Variants in ARHGAP26 observed in about 807,000 individuals in gnomAD.
ARHGAP26 encodes the protein rho GTPase-activating protein 26.
ARHGAP26 carries 38 observed loss-of-function variants against 104.8 expected under a neutral mutation model. The ratio of observed to expected loss-of-function variants is 0.36; its 90% CI spans 0.28 to 0.48. ARHGAP26 has a LOEUF of 0.48. ARHGAP26 is among the 20% of genes least tolerant of loss of function. The probability of loss-of-function intolerance (pLI) is 0.99; values close to 1 mark genes in which losing one functional copy is unlikely to be tolerated. For missense variants in ARHGAP26, 704 were observed against 947.9 expected (o/e 0.74, Z 3.38); for synonymous variants, 341 against 340.0 (o/e 1.00, Z -0.03).
intron 12 of ARHGAP26, among the ~76,000 whole-genome samples, chr5:143,014,641 T>C (rs934573351): frequency 2.0e-5 from 3 of 152,194 alleles, no homozygotes; most frequent in African/African-American, 7.2e-5. Flanking sequence ...CTAATGGAAG[T>C]GTCCCTGGGC....
chr5:142,945,581 AGAT>A (rs1766983015), intron 11 of ARHGAP26, among the ~76,000 whole-genome samples: 1 of 152,222 alleles, frequency 6.6e-6, no homozygotes. Context: ...TCCATCTGGA[AGAT>A]GATATTTTGG....
At chr5:142,949,232 G>GGAGAGAGAGAGAGAGAGAGGA (rs1767891700) in intron 11 of ARHGAP26, among the ~76,000 whole-genome samples, 1 of 27,338 alleles carries the variant, frequency 3.7e-5, no homozygotes, top group Non-Finnish European at 5.9e-5. Context: ...GAGAGAGAGA[G>GGAGAGAGAGAGAGAGAGAGGA]GAGAGAGAGA....
intron 1 of ARHGAP26, among the ~76,000 whole-genome samples, chr5:142,828,591 GT>G (rs1767763631): frequency 6.6e-6 from 1 of 152,158 alleles, no homozygotes; most frequent in South Asian, 2.1e-4. Flanking sequence ...ACAATTAGTT[GT>G]AACTAAAATA....
chr5:143,039,333 G>C (rs1032016749), intron 13 of ARHGAP26, among the ~76,000 whole-genome samples: 2 of 151,920 alleles, frequency 1.3e-5, no homozygotes, highest in African/African-American at 4.8e-5. Context: ...TCAGCCTCCT[G>C]AGTAACTGGC....
chr5:143,167,409 G>C (rs568076871), intron 20 of ARHGAP26, among the ~76,000 whole-genome samples: 42 of 145,872 alleles, frequency 2.9e-4, no homozygotes, highest in Admixed American at 1.6e-3. Flanking sequence ...TTGAACCCGG[G>C]GGGGAAGAGG....
At chr5:143,143,246 G>A (rs138327920) in intron 19 of ARHGAP26, among the ~76,000 whole-genome samples, 113 of 152,296 alleles carry the variant, frequency 7.4e-4, no homozygotes, top group African/African-American at 2.6e-3. Flanking sequence ...CTGCCAAGAC[G>A]TGTGAATTTG....
chr5:142,783,181 G>A (rs550348717), intron 1 of ARHGAP26, among the ~76,000 whole-genome samples: 200 of 152,328 alleles, frequency 1.3e-3, no homozygotes, highest in Non-Finnish European at 2.4e-3. Context: ...ATATCTGGAG[G>A]GTGTTTGCAT....
At position 143,056,104 on chromosome 5, in the gene ARHGAP26, C is replaced by T. The variant is rs985442339; in HGVS notation, c.1432+18C>T. 3.1e-6 allele frequency: 5 copies of T among 1,603,096 alleles called. No individual in the cohort carries two copies. In the African/African-American group the frequency reaches 4.0e-5, roughly 13 times the overall value. On this transcript the variant is annotated intron_variant, in intron 16 of 22. Coordinates refer to ENST00000645722, the MANE Select transcript of ARHGAP26 (RefSeq NM_001135608.3). ...AGCAGCAAGTAAGTCTTTTTTGTCTCAGTTTTAAGGGGAAGAGAATAGATT... is the reference window on the plus strand; with the variant it reads ...AGCAGCAAGTAAGTCTTTTTTGTCTTAGTTTTAAGGGGAAGAGAATAGATT...
At chr5:142,961,538 C>G (rs1413617183) in intron 11 of ARHGAP26, among the ~76,000 whole-genome samples, 6 of 152,054 alleles carry the variant, frequency 3.9e-5, no homozygotes, top group African/African-American at 1.4e-4. Context: ...CCCATTGTCA[C>G]TAAGGAAAAT....
At chr5:142,942,008 C>CT (rs929586483) in intron 11 of ARHGAP26, among the ~76,000 whole-genome samples, 39 of 145,382 alleles carry the variant, frequency 2.7e-4, no homozygotes, top group East Asian at 7.9e-4. Flanking sequence ...ACAGAAATTT[C>CT]TTTTTTTTTT....
At chr5:143,037,591 T>C (rs1397373712) in intron 13 of ARHGAP26, among the ~76,000 whole-genome samples, 1 of 152,220 alleles carries the variant, frequency 6.6e-6, no homozygotes. Flanking sequence ...TTATAAGTGA[T>C]AGTGGTGGGT....
At position 143,119,892 on chromosome 5, in the gene ARHGAP26, T is replaced by TA. The variant is rs796735888; in HGVS notation, c.1539-1083dup. The stretch of plus-strand genomic sequence containing the variant: ...AGGCAGTATAATCTCTTTTCTTCCT[T>TA]AAAAAAAAAAAAAGTGGACCAGAGA... On this transcript the variant is annotated intron_variant, in intron 17 of 22. Transcript: ENST00000645722. 2.4e-3 allele frequency among the ~76,000 whole-genome samples: 344 copies of TA among 144,332 alleles called. 1 individual carries two copies. The highest frequency in any genetic ancestry group is 4.4e-3 in the Admixed American group (64 of 14,402). The allele number at this position is 144,332 out of a possible 152,430, so 94.7% of individuals were successfully genotyped here. A position where few individuals can be genotyped will look rare whatever the true frequency, so the allele number is the denominator to read the frequency against.
intron 8 of ARHGAP26, among the ~76,000 whole-genome samples, chr5:142,904,310 G>A (rs1467203398): frequency 6.6e-6 from 1 of 152,046 alleles, no homozygotes; most frequent in African/African-American, 2.4e-5. Context: ...GGGCAACATA[G>A]TGAAACCCTG....
chr5:142,805,018 C>T (rs190140532), intron 1 of ARHGAP26, among the ~76,000 whole-genome samples: 89 of 152,206 alleles, frequency 5.8e-4, no homozygotes, highest in Non-Finnish European at 1.0e-3. Context: ...GCATGTGTCA[C>T]GAGCTTATTC....
At chr5:143,070,397 T>A (rs77044214) in intron 17 of ARHGAP26, among the ~76,000 whole-genome samples, 1,829 of 152,338 alleles carry the variant, frequency 0.012, 40 homozygotes, top group African/African-American at 0.042. Context: ...TATTAATATA[T>A]AGTGACTCTT....
At chr5:143,184,976 G>A (rs1804925142) in intron 20 of ARHGAP26, among the ~76,000 whole-genome samples, 1 of 152,188 alleles carries the variant, frequency 6.6e-6, no homozygotes, top group Non-Finnish European at 1.5e-5. Flanking sequence ...GAATTAATGA[G>A]AGGTCTATGC....
chr5:143,103,754 A>G (rs541593765), intron 17 of ARHGAP26, among the ~76,000 whole-genome samples: 3 of 152,262 alleles, frequency 2.0e-5, no homozygotes, highest in South Asian at 4.2e-4. Flanking sequence ...GTGAGAACAT[A>G]TGGGCACAGG....
intron 17 of ARHGAP26, among the ~76,000 whole-genome samples, chr5:143,089,448 T>C (rs1298178067): frequency 2.0e-5 from 3 of 152,234 alleles, no homozygotes; most frequent in African/African-American, 7.2e-5. Flanking sequence ...GGCTAACTCA[T>C]TGGACAGAGC....
intron 12 of ARHGAP26, among the ~76,000 whole-genome samples, chr5:143,019,976 T>G (rs1780096306): frequency 6.6e-6 from 1 of 152,246 alleles, no homozygotes; most frequent in Non-Finnish European, 1.5e-5. Flanking sequence ...CAGGCATGCC[T>G]TCTCATGCAT....
Sources: allele counts gnomAD v4.1 joint callset (sites outside exome capture counted in the v4.1 genomes callset), GRCh38; gene constraint gnomAD v4.1.1; transcripts MANE v1.5; gene names NCBI Gene and HGNC (gene_info 2026-07-23, HGNC 2026-07-21).